The following PDGFD variants were observed in gnomAD, a reference collection of about 807,000 sequenced individuals.
PDGFD encodes platelet derived growth factor D.
A neutral mutation model predicts 44.7 loss-of-function variants in PDGFD; 30 were observed. The ratio of observed to expected loss-of-function variants is 0.67; its 90% CI spans 0.50 to 0.91. The LOEUF is 0.91. PDGFD is among the 40% of genes least tolerant of loss of function. PDGFD has a pLI of 0.00. For synonymous variants in PDGFD, 173 were observed against 168.4 expected, an observed-to-expected ratio of 1.03 and a Z score of -0.21; for missense variants, 445 against 457.8, an observed-to-expected ratio of 0.97 and a Z score of 0.25.
chr11:104,142,183 G>T (rs1862094981), intron 1 of PDGFD, among the ~76,000 whole-genome samples: 1 of 151,924 alleles, frequency 6.6e-6, no homozygotes, highest in Admixed American at 6.6e-5. Context: ...ATGTTTGCAT[G>T]CCTGTACATA....
At chr11:104,029,397 G>A (rs987701439) in intron 1 of PDGFD, among the ~76,000 whole-genome samples, 34 of 152,172 alleles carry the variant, frequency 2.2e-4, no homozygotes, top group African/African-American at 8.2e-4. Context: ...TCTATAGACA[G>A]ATGGGCTTTA....
intron 1 of PDGFD, among the ~76,000 whole-genome samples, chr11:104,052,490 T>C (rs1239880921): frequency 1.3e-5 from 2 of 152,182 alleles, no homozygotes; most frequent in African/African-American, 4.8e-5. Flanking sequence ...AGTAAATATT[T>C]ATTAATTATT....
At chr11:104,084,778 CATAAAATAAT>C (rs1192078607) in intron 1 of PDGFD, among the ~76,000 whole-genome samples, 3 of 58,718 alleles carry the variant, frequency 5.1e-5, no homozygotes, top group Non-Finnish European at 8.5e-5. Context: ...TAAAATTATA[CATAAAATAAT>C]ATAAAATATA....
chr11:104,037,362 T>G (rs777526215), intron 1 of PDGFD: 7 of 1,613,918 alleles, frequency 4.3e-6, no homozygotes, highest in Middle Eastern at 1.6e-4. Flanking sequence ...AGACCTTTTC[T>G]CAGGTGCTGA....
At chr11:103,963,167 C>T (rs141359869) in intron 3 of PDGFD, among the ~76,000 whole-genome samples, 87 of 152,266 alleles carry the variant, frequency 5.7e-4, no homozygotes, top group African/African-American at 2.0e-3. Context: ...AGCCTTCACA[C>T]ATTTTCACAT....
At chr11:104,111,699 A>G (rs1861561083) in intron 1 of PDGFD, among the ~76,000 whole-genome samples, 2 of 152,200 alleles carry the variant, frequency 1.3e-5, no homozygotes, top group Non-Finnish European at 2.9e-5. Context: ...GAAGAGGCAA[A>G]TTTTAGGCAC....
At chr11:104,074,990 C>T (rs1175276399) in intron 1 of PDGFD, among the ~76,000 whole-genome samples, 1 of 152,060 alleles carries the variant, frequency 6.6e-6, no homozygotes, top group Non-Finnish European at 1.5e-5. Context: ...CATACATAGA[C>T]TAAAAGGAAG....
rs148454316 is a variant in PDGFD at position 104,000,197 on chromosome 11, G to A, written c.183C>T (p.Asn61=). 4.8e-5 allele frequency: 78 copies of A among 1,614,044 alleles called. No individual in the cohort carries two copies. Among genetic ancestry groups the A allele is most frequent in the African/African-American group, 3.9e-4 (29 of 75,030 alleles). ...RRDETIQVKG[N]GYVQSPRFPN... The stretch of plus-strand genomic sequence containing the variant: ...GGAATCTAGGACTCTGCACGTAGCC[G>A]TTTCCTTTCACCTGGATGGTCTCAT... Residue 61 remains asparagine (N), a synonymous_variant, in exon 2 of 7, where the codon AAC becomes AAT. Transcript: ENST00000393158.
chr11:103,909,627 G>A lies in PDGFD; in HGVS notation c.*67C>T, dbSNP rs955270651. 12 of 1,584,876 alleles carry A rather than the reference G, an allele frequency of 7.6e-6. No individual in the cohort carries two copies. The highest frequency in any genetic ancestry group is 9.5e-6 in the Non-Finnish European group (11 of 1,156,130). ...AAGTTTGGTTGCTGGTAGGAAAAGG[G>A]TCTCTTATCTCACCCTCCTTAAACT... On this transcript the variant is annotated 3_prime_UTR_variant, in exon 7 of 7. Transcript: ENST00000393158.
At position 104,021,104 on chromosome 11, in the gene PDGFD, G is replaced by A. The variant is rs568682333; in HGVS notation, c.125-20849C>T. Among the ~76,000 whole-genome samples the A allele has an allele frequency of 7.2e-5, 11 of 152,238 alleles. No homozygotes were observed. The South Asian group carries it at 2.3e-3, about 32-fold the overall frequency. On this transcript the variant is annotated intron_variant, in intron 1 of 6. Coordinates refer to ENST00000393158, the MANE Select transcript of PDGFD (RefSeq NM_025208.5). ...TTTGGTATAAGTGCTTTATCTTTTT[G>A]TGGATCAAAAGCAAAGGGTTCATGC...
Position 104,000,143 on chromosome 11 carries a change from C to T in PDGFD, c.237G>A (p.Leu79=). The change falls in exon 2 of 7, where the codon CTG becomes CTA. Residue 79 remains leucine (L), a synonymous_variant. Coordinates refer to ENST00000393158, the MANE Select transcript of PDGFD (RefSeq NM_025208.5). ...TCTCCTGAGAGTGAAGCCGCCATGTCAGGAGCAGGTTCCTGGGGTAGCTGT... is the reference window on the plus strand; with the variant it reads ...TCTCCTGAGAGTGAAGCCGCCATGTTAGGAGCAGGTTCCTGGGGTAGCTGT... ...FPNSYPRNLL[L]TWRLHSQENT... 6.2e-7 allele frequency: 1 copy of T among 1,614,088 alleles called. No individual in the cohort carries two copies. Among genetic ancestry groups the T allele is most frequent in the Non-Finnish European group, 8.5e-7 (1 of 1,179,994 alleles).
chr11:103,917,085 A>G (rs905316203), intron 6 of PDGFD, among the ~76,000 whole-genome samples: 1 of 149,494 alleles, frequency 6.7e-6, no homozygotes, highest in Non-Finnish European at 1.5e-5. Context: ...TTAAAGTATT[A>G]AAAAAAAAAC....
chr11:104,107,031 T>C (rs1222331366), intron 1 of PDGFD, among the ~76,000 whole-genome samples: 2 of 152,090 alleles, frequency 1.3e-5, no homozygotes, highest in Admixed American at 6.6e-5. Flanking sequence ...AGGCGTGAGC[T>C]ACCACGCCCG....
chr11:104,041,144 T>C (rs1470647911), intron 1 of PDGFD, among the ~76,000 whole-genome samples: 1 of 152,108 alleles, frequency 6.6e-6, no homozygotes, highest in East Asian at 1.9e-4. Flanking sequence ...ATACAACAAT[T>C]ATTTATTGAA....
intron 1 of PDGFD, among the ~76,000 whole-genome samples, chr11:104,139,556 G>C (rs1007273380): frequency 6.6e-6 from 1 of 152,122 alleles, no homozygotes; most frequent in East Asian, 1.9e-4. Context: ...CAAAAGTTAC[G>C]TGTAGTAGCT....
chr11:104,018,628 G>C (rs1454058171), intron 1 of PDGFD, among the ~76,000 whole-genome samples: 1 of 152,158 alleles, frequency 6.6e-6, no homozygotes, highest in African/African-American at 2.4e-5. Context: ...AATCCAGGTG[G>C]TCCCCAGATG....
intron 1 of PDGFD, among the ~76,000 whole-genome samples, chr11:104,079,093 A>G (rs1354769471): frequency 6.6e-6 from 1 of 152,212 alleles, no homozygotes; most frequent in Non-Finnish European, 1.5e-5. Flanking sequence ...ACAATATCAG[A>G]AACAGATTTG....
chr11:103,934,702 T>C (rs956772721), intron 5 of PDGFD, among the ~76,000 whole-genome samples: 1 of 152,106 alleles, frequency 6.6e-6, no homozygotes, highest in African/African-American at 2.4e-5. Context: ...TATAAAATCA[T>C]CAGATCTTGT....
intron 1 of PDGFD, among the ~76,000 whole-genome samples, chr11:104,110,290 T>C (rs1440591287): frequency 1.3e-5 from 2 of 151,738 alleles, no homozygotes; most frequent in African/African-American, 2.4e-5. Flanking sequence ...AAAAATGCAA[T>C]TGATGGTTTA....
Sources: allele counts gnomAD v4.1 joint callset (sites outside exome capture counted in the v4.1 genomes callset), GRCh38; gene constraint gnomAD v4.1.1; transcripts MANE v1.5; gene names NCBI Gene and HGNC (gene_info 2026-07-23, HGNC 2026-07-21).